The following MBOAT2 variants were observed in gnomAD, a reference collection of about 807,000 sequenced individuals.
MBOAT2 encodes membrane-bound glycerophospholipid O-acyltransferase 2.
A neutral mutation model predicts 63.4 loss-of-function variants in MBOAT2; 28 were observed. The observed-to-expected ratio is 0.44, with a 90% CI of 0.33 to 0.61. The LOEUF is 0.61. Among genes scored for constraint, MBOAT2 ranks in the 20% least tolerant of loss-of-function variants. The probability of loss-of-function intolerance (pLI) is 0.03; values close to 1 mark genes in which losing one functional copy is unlikely to be tolerated. For synonymous variants in MBOAT2, 211 were observed against 215.6 expected, an observed-to-expected ratio of 0.98 and a Z score of 0.19; for missense variants, 470 against 605.8, an observed-to-expected ratio of 0.78 and a Z score of 2.35.
rs938665533 is a variant in MBOAT2, at chr2:8,914,934, C to CTTTTTTT, written c.300-6225_300-6219dup. ...TTTAAACTGTGACTACTGGAAATTT[C>CTTTTTTT]TTTTTTTTTTTTTTTTTTTTTTTTG... On this transcript the variant is annotated intron_variant, in intron 3 of 12. Transcript: ENST00000305997. Among the ~76,000 whole-genome samples the CTTTTTTT allele has an allele frequency of 3.6e-3, 215 of 60,250 alleles. 2 individuals are homozygous for CTTTTTTT. Among genetic ancestry groups the CTTTTTTT allele is most frequent in the African/African-American group, 4.7e-3 (68 of 14,508 alleles). The allele number at this position is 60,250 out of a possible 152,430, so 39.5% of individuals were successfully genotyped here.
chr2:8,862,169 A>C lies in MBOAT2; in HGVS notation c.1185+421T>G. ...ACTCTAAAGAACTGTGTCCTCTTCC[A>C]GTGTGGCTCATCCACTGTCTTGGCC... On this transcript the variant is annotated intron_variant, in intron 11 of 12. Coordinates refer to ENST00000305997, the MANE Select transcript of MBOAT2 (RefSeq NM_138799.4). This position sits in a 1 kb window ranked among gnomAD's most constrained non-coding sequence, Gnocchi z 4.3. The C allele has an allele frequency of 2.0e-6, 1 of 492,912 alleles. No individual in the cohort carries two copies. Among genetic ancestry groups the C allele is most frequent in the Non-Finnish European group, 3.2e-6 (1 of 313,032 alleles). 30.5% of individuals were successfully genotyped at this position (492,912 alleles called of 1,614,324 possible).
chr2:8,972,902 C>A (rs138520269), intron 1 of MBOAT2, among the ~76,000 whole-genome samples: 7,674 of 152,236 alleles, frequency 0.05, 364 homozygotes, highest in African/African-American at 0.13. Context: ...GAAACAGGAA[C>A]ACTTTTACAC....
At chr2:8,892,042 C>CT (rs1664042189) in intron 4 of MBOAT2, among the ~76,000 whole-genome samples, 1 of 152,180 alleles carries the variant, frequency 6.6e-6, no homozygotes, top group African/African-American at 2.4e-5. Context: ...TATTCACACA[C>CT]TTTTTTCTCT....
At chr2:8,914,934 CTTTTTTT>C (rs938665533) in intron 3 of MBOAT2, among the ~76,000 whole-genome samples, 28 of 60,232 alleles carry the variant, frequency 4.6e-4, no homozygotes, top group East Asian at 3.4e-3. Context: ...CTGGAAATTT[CTTTTTTT>C]TTTTTTTTTT....
chr2:8,958,510 A>G lies in MBOAT2; in HGVS notation c.208T>C (p.Phe70Leu). 6.3e-7 allele frequency: 1 copy of G among 1,591,754 alleles called. No homozygotes were observed. The highest frequency in any genetic ancestry group is 8.5e-7 in the Non-Finnish European group (1 of 1,173,874). The stretch of plus-strand genomic sequence containing the variant: ...ATAATTACTTACCATCCAAAGCAAA[A>G]AAGTGCAAGATAAAGGCCCAAAAGG... ...ATLLGLYLAL[F>L]CFGWYALHFL... The change falls in exon 2 of 13, where the codon TTT becomes CTT. Residue 70 changes from phenylalanine to leucine, a missense_variant. Transcript: ENST00000305997.
chr2:8,925,276 C>T (rs1666855703), intron 3 of MBOAT2, among the ~76,000 whole-genome samples: 1 of 152,178 alleles, frequency 6.6e-6, no homozygotes, highest in Non-Finnish European at 1.5e-5. Context: ...CCCCACCTGC[C>T]TGCACACAAG....
chr2:8,945,749 C>A (rs991617526), intron 2 of MBOAT2, among the ~76,000 whole-genome samples: 3 of 151,762 alleles, frequency 2.0e-5, no homozygotes, highest in Non-Finnish European at 4.4e-5. Flanking sequence ...TGTCACAAAA[C>A]GTTAGTTTGT....
intron 7 of MBOAT2, among the ~76,000 whole-genome samples, chr2:8,875,946 T>G (rs997058676): frequency 1.3e-5 from 2 of 152,244 alleles, no homozygotes; most frequent in African/African-American, 4.8e-5. Flanking sequence ...GCAGGTACAT[T>G]TCTACATTGA....
intron 3 of MBOAT2, among the ~76,000 whole-genome samples, chr2:8,910,929 C>T (rs890595912): frequency 4.6e-5 from 7 of 152,166 alleles, no homozygotes; most frequent in Admixed American, 2.0e-4. Context: ...TGAAAAAGAA[C>T]GACTAGTTCA....
At chr2:8,938,080 G>A (rs184976145) in intron 3 of MBOAT2, among the ~76,000 whole-genome samples, 297 of 152,276 alleles carry the variant, frequency 2.0e-3, no homozygotes, top group African/African-American at 6.7e-3. Flanking sequence ...CACATGTAGG[G>A]ATTGTCTCCA....
chr2:8,916,816 C>G (rs1310901379), intron 3 of MBOAT2, among the ~76,000 whole-genome samples: 1 of 152,156 alleles, frequency 6.6e-6, no homozygotes, highest in Non-Finnish European at 1.5e-5. Flanking sequence ...TTTATATTTT[C>G]CAAGACTGTT....
At chr2:8,959,390 T>C (rs934948284) in intron 1 of MBOAT2, among the ~76,000 whole-genome samples, 2 of 151,780 alleles carry the variant, frequency 1.3e-5, no homozygotes, top group Admixed American at 6.6e-5. Context: ...TCCCTCCAAA[T>C]AAAAAGACTG....
chr2:8,958,578 T>C lies in MBOAT2; in HGVS notation c.140A>G (p.His47Arg). Residue 47 changes from histidine to arginine, a missense_variant, in exon 2 of 13, where the codon CAT (histidine) becomes CGT (arginine). Physicochemically the swap from His to Arg is conservative, Grantham distance 29 (BLOSUM62 0). This residue lies in a region of MBOAT2 where 376 missense variants were observed against 503.8 expected (regional missense o/e 0.75). Coordinates refer to ENST00000305997, the MANE Select transcript of MBOAT2 (RefSeq NM_138799.4). The stretch of plus-strand genomic sequence containing the variant: ...TATAAAAGAGCTAGTTTTGCTTGAA[T>C]GTAGATAAGTTCGAAACCAAATGGC... ...LAAIWFRTYL[H>R]SSKTSSFIRH... 6.2e-7 allele frequency: 1 copy of C among 1,612,540 alleles called. No individual in the cohort carries two copies. Among genetic ancestry groups the C allele is most frequent in the Non-Finnish European group, 8.5e-7 (1 of 1,179,600 alleles).
chr2:9,003,572 G>T lies in MBOAT2; in HGVS notation c.43C>A (p.Leu15Ile). The T allele has an allele frequency of 8.1e-7, 1 of 1,232,480 alleles. No individual in the cohort carries two copies. The highest frequency in any genetic ancestry group is 3.8e-5 in the Admixed American group (1 of 26,146). The allele number at this position is 1,232,480 out of a possible 1,614,324, so 76.3% of individuals were successfully genotyped here. Residue 15 changes from leucine (L) to isoleucine (I), a missense_variant, in exon 1 of 13, where the codon CTC becomes ATC. By Grantham distance (5) the Leu-to-Ile change is conservative (BLOSUM62 2). Transcript: ENST00000305997. The surrounding 1 kb of genome is among the most constrained non-coding windows in gnomAD (Gnocchi z 5.4). ...STTGSTLLQP[L>I]SNAVQLPIDQ... ...ATGGGCAGCTGCACGGCGTTGCTGA[G>T]GGGCTGCAGCAGGGTGGAGCCCGTG...
intron 1 of MBOAT2, among the ~76,000 whole-genome samples, chr2:8,960,394 T>C (rs1194842911): frequency 1.3e-5 from 2 of 152,170 alleles, no homozygotes; most frequent in Non-Finnish European, 2.9e-5. Flanking sequence ...TAGAACCTAA[T>C]GGAAAACATA....
In MBOAT2 at chr2:8,908,651, T is replaced by A. The variant is rs992974796; in HGVS notation, c.365A>T (p.Asp122Val). 6.2e-7 allele frequency: 1 copy of A among 1,610,354 alleles called. No individual in the cohort carries two copies. The highest frequency in any genetic ancestry group is 1.3e-5 in the African/African-American group (1 of 74,848). ...AAAATCAGCAGAATATTGTCCATAG[T>A]CAAAGATATAGACTCGAGTAACTTG... ...VCQVTRVYIF[D>V]YGQYSADFSG... Residue 122 changes from aspartate to valine, a missense_variant, in exon 4 of 13, where the codon GAC becomes GTC. By Grantham distance (152) the Asp-to-Val change is radical. Coordinates refer to ENST00000305997, the MANE Select transcript of MBOAT2 (RefSeq NM_138799.4).
chr2:8,955,449 T>C (rs1669146658), intron 2 of MBOAT2, among the ~76,000 whole-genome samples: 1 of 152,196 alleles, frequency 6.6e-6, no homozygotes, highest in Non-Finnish European at 1.5e-5. Context: ...CTGGATGCTA[T>C]CACGGGGGCT....
At position 8,862,252 on chromosome 2, in the gene MBOAT2, A is replaced by G. The variant is rs1661546546; in HGVS notation, c.1185+338T>C. On this transcript the variant is annotated intron_variant, in intron 11 of 12. Transcript: ENST00000305997. The surrounding 1 kb of genome is among the most constrained non-coding windows in gnomAD (Gnocchi z 4.3). ...TCAAAGGTTACAGCTTTCAGGAAAC[A>G]TTTCTAAAATAAACCTACCCATTCT... is the stretch of plus-strand genomic sequence containing the variant. 9 of 1,263,310 alleles carry G rather than the reference A, an allele frequency of 7.1e-6. No homozygotes were observed. The highest frequency in any genetic ancestry group is 9.2e-6 in the Non-Finnish European group (9 of 973,390). 78.3% of individuals were successfully genotyped at this position (1,263,310 alleles called of 1,614,324 possible).
intron 1 of MBOAT2, among the ~76,000 whole-genome samples, chr2:8,973,637 A>G (rs1196050516): frequency 1.3e-5 from 2 of 152,082 alleles, no homozygotes; most frequent in Non-Finnish European, 2.9e-5. Flanking sequence ...TATCAATAAT[A>G]AAAACAGTAT....
Sources: allele counts gnomAD v4.1 joint callset (sites outside exome capture counted in the v4.1 genomes callset), GRCh38; gene constraint gnomAD v4.1.1; regional missense constraint gnomAD v4.1.1; non-coding constraint Gnocchi (gnomAD v3.1); transcripts MANE v1.5; gene names NCBI Gene and HGNC (gene_info 2026-07-23, HGNC 2026-07-21).